DNAAF11: variants seen among roughly 807,000 people sequenced by gnomAD.
The protein encoded by DNAAF11 is leucine rich repeat containing 6.
Under a neutral mutation model 60.8 loss-of-function variants are expected in DNAAF11, and 45 were observed. That is an observed-to-expected ratio of 0.74 (90% confidence interval 0.58 to 0.95). The LOEUF (loss-of-function observed/expected upper bound fraction) is 0.95. Ranked by LOEUF, DNAAF11 falls within the 40% of genes least tolerant of loss-of-function variation. DNAAF11 has a pLI of 0.00. For missense variants in DNAAF11, 546 were observed against 546.2 expected, an observed-to-expected ratio of 1.00 and a Z score of 0.00; for synonymous variants, 191 against 183.5, an observed-to-expected ratio of 1.04 and a Z score of -0.33.
intron 3 of DNAAF11, among the ~76,000 whole-genome samples, chr8:132,638,446 C>A (rs939813813): frequency 6.6e-6 from 1 of 152,100 alleles, no homozygotes; most frequent in African/African-American, 2.4e-5. Context: ...CTATACTTTT[C>A]CAGTGGATGC....
intron 3 of DNAAF11, among the ~76,000 whole-genome samples, chr8:132,647,620 A>G (rs1026947340): frequency 6.6e-6 from 1 of 152,234 alleles, no homozygotes; most frequent in Admixed American, 6.5e-5. Flanking sequence ...CACTAGCAAC[A>G]CTAATACAGA....
intron 10 of DNAAF11, among the ~76,000 whole-genome samples, chr8:132,603,179 T>C (rs1185612843): frequency 1.3e-5 from 2 of 152,146 alleles, no homozygotes; most frequent in Admixed American, 6.6e-5. Flanking sequence ...AAATATGTAG[T>C]CCATCTTCTT....
the DNAAF11 span, among the ~76,000 whole-genome samples, chr8:132,695,236 G>C: frequency 6.6e-6 from 1 of 152,188 alleles, no homozygotes; most frequent in Non-Finnish European, 1.5e-5. Context: ...ACTGTAAGCA[G>C]AGGAATGGAG....
intron 3 of DNAAF11, among the ~76,000 whole-genome samples, chr8:132,644,137 C>T (rs554385584): frequency 6.6e-5 from 10 of 151,936 alleles, no homozygotes; most frequent in East Asian, 3.9e-4. Flanking sequence ...AGAGTTATAC[C>T]TTTCAGCATG....
In DNAAF11 at chr8:132,649,099, A is replaced by G. The variant is rs866652108; in HGVS notation, c.256+7731T>C. 3.8e-3 allele frequency among the ~76,000 whole-genome samples: 579 copies of G among 152,226 alleles called. 3 individuals are homozygous for G. Among genetic ancestry groups the G allele is most frequent in the African/African-American group, 0.013 (523 of 41,538 alleles). The stretch of plus-strand genomic sequence containing the variant: ...AAAAGAACAAAGCTGGAGGCATCAC[A>G]CTACCTGACTTCAAACTATACTACA... On this transcript the variant is annotated intron_variant, in intron 3 of 11. Coordinates refer to ENST00000620350, the MANE Select transcript of DNAAF11 (RefSeq NM_012472.6).
the DNAAF11 span, among the ~76,000 whole-genome samples, chr8:132,684,484 T>G: frequency 6.6e-6 from 1 of 152,324 alleles, no homozygotes; most frequent in East Asian, 1.9e-4. Context: ...ATCTCTTGGT[T>G]GATTGATATC....
intron 7 of DNAAF11, among the ~76,000 whole-genome samples, chr8:132,616,499 G>A (rs1037222227): frequency 2.6e-5 from 4 of 152,088 alleles, no homozygotes; most frequent in Non-Finnish European, 4.4e-5. Flanking sequence ...TTCATAGGAC[G>A]CACTGATAAA....
Position 132,661,422 on chromosome 8 carries a change from T to C in DNAAF11, c.178+38A>G, listed in dbSNP as rs35683697. The C allele has an allele frequency of 4.3e-3, 6,535 of 1,519,788 alleles. 105 individuals carry two copies. The highest frequency in any genetic ancestry group is 0.039 in the South Asian group (3,241 of 82,226). The allele number at this position is 1,519,788 out of a possible 1,614,324, so 94.1% of individuals were successfully genotyped here. A position where few individuals can be genotyped will look rare whatever the true frequency, so the allele number is the denominator to read the frequency against. On this transcript the variant is annotated intron_variant, in intron 2 of 11. Transcript: ENST00000620350. ...CTTTCCAAAGTTCTCTCATTCACAATGTTCAAGAAACCATGAGAACTAAGT... is the reference window on the plus strand; with the variant it reads ...CTTTCCAAAGTTCTCTCATTCACAACGTTCAAGAAACCATGAGAACTAAGT...
chr8:132,642,768 G>A (rs1821983620), intron 3 of DNAAF11, among the ~76,000 whole-genome samples: 1 of 152,218 alleles, frequency 6.6e-6, no homozygotes, highest in African/African-American at 2.4e-5. Flanking sequence ...ACAGATACTT[G>A]CAACTGCAAC....
At chr8:132,585,187 G>A (rs1815760152) in intron 10 of DNAAF11, among the ~76,000 whole-genome samples, 2 of 152,294 alleles carry the variant, frequency 1.3e-5, no homozygotes, top group Non-Finnish European at 2.9e-5. Flanking sequence ...GCTCGGGGAG[G>A]TTTGGGCTCT....
At chr8:132,693,781 G>A in the DNAAF11 span, among the ~76,000 whole-genome samples, 3 of 152,198 alleles carry the variant, frequency 2.0e-5, no homozygotes, top group African/African-American at 7.2e-5. Context: ...AGACAGGGGA[G>A]CAGCAAATGG....
At chr8:132,586,639 A>T (rs1212968647) in intron 10 of DNAAF11, among the ~76,000 whole-genome samples, 3 of 152,128 alleles carry the variant, frequency 2.0e-5, no homozygotes, top group African/African-American at 7.2e-5. Flanking sequence ...ACTCTCATGT[A>T]AGTGTGAGAA....
intron 10 of DNAAF11, among the ~76,000 whole-genome samples, chr8:132,597,270 G>C (rs1817110100): frequency 6.6e-6 from 1 of 152,156 alleles, no homozygotes; most frequent in South Asian, 2.1e-4. Flanking sequence ...GTTCCCCAGA[G>C]CCCACCGAGC....
At chr8:132,674,429 A>T (rs1038928127) in intron 1 of DNAAF11, among the ~76,000 whole-genome samples, 1 of 152,156 alleles carries the variant, frequency 6.6e-6, no homozygotes, top group Non-Finnish European at 1.5e-5. Flanking sequence ...CTCTTGATTT[A>T]AAAAAAGTTA....
At chr8:132,627,931 G>A (rs1260878275) in intron 5 of DNAAF11, among the ~76,000 whole-genome samples, 1 of 152,112 alleles carries the variant, frequency 6.6e-6, no homozygotes, top group Non-Finnish European at 1.5e-5. Flanking sequence ...CACTACAAGA[G>A]TCCTCCAAGT....
intron 3 of DNAAF11, among the ~76,000 whole-genome samples, chr8:132,648,575 T>A (rs571809693): frequency 6.6e-6 from 1 of 152,248 alleles, no homozygotes; most frequent in Non-Finnish European, 1.5e-5. Flanking sequence ...AAATTGTCCC[T>A]GTGTGCAGAT....
intron 10 of DNAAF11, among the ~76,000 whole-genome samples, chr8:132,601,338 G>A (rs1212334744): frequency 1.3e-5 from 2 of 152,132 alleles, no homozygotes; most frequent in Non-Finnish European, 2.9e-5. Flanking sequence ...CTGTAAACTA[G>A]TTCAACCATT....
At chr8:132,616,982 G>A (rs1023402441) in intron 7 of DNAAF11, among the ~76,000 whole-genome samples, 3 of 152,152 alleles carry the variant, frequency 2.0e-5, no homozygotes, top group African/African-American at 7.2e-5. Context: ...GGCAACAGTG[G>A]GCATTTCACA....
Position 132,602,744 on chromosome 8 carries a change from AATATATAT to A in DNAAF11, c.1140+7414_1140+7421del, listed in dbSNP as rs35316805. On this transcript the variant is annotated intron_variant, in intron 10 of 11. Coordinates refer to ENST00000620350, the MANE Select transcript of DNAAF11 (RefSeq NM_012472.6). Reference sequence around the variant, plus strand: ...TTTGCATACTGGATACTTAATTTGAAATATATATATATATATATATATATACACACAGC... The same window carrying A: ...TTTGCATACTGGATACTTAATTTGAAATATATATATATATATACACACAGC... 5.8e-3 allele frequency among the ~76,000 whole-genome samples: 828 copies of A among 141,870 alleles called. 13 individuals carry two copies. The highest frequency in any genetic ancestry group is 0.02 in the African/African-American group (791 of 38,862). 93.1% of individuals were successfully genotyped at this position (141,870 alleles called of 152,430 possible). A position where few individuals can be genotyped will look rare whatever the true frequency, so the allele number is the denominator to read the frequency against.
Sources: gnomAD v4.1 joint callset for allele counts (sites outside exome capture counted in the v4.1 genomes callset) on GRCh38, gnomAD v4.1.1 for gene constraint, MANE v1.5 for transcripts, NCBI Gene and HGNC (gene_info 2026-07-23, HGNC 2026-07-21) for gene names.